The following SLC35B1 variants were observed in gnomAD, a reference collection of about 807,000 sequenced individuals.
The protein encoded by SLC35B1 is solute carrier family 35 member B1.
In SLC35B1, 27 loss-of-function variants were observed where a neutral mutation model predicts 36.6. The ratio of observed to expected loss-of-function variants is 0.74; its 90% CI spans 0.54 to 1.02. The LOEUF is 1.02. Among genes scored for constraint, SLC35B1 ranks in the 50% least tolerant of loss-of-function variants. The pLI is 0.00. For missense variants in SLC35B1, 321 were observed against 383.2 expected (o/e 0.84, Z 1.35); for synonymous variants, 162 against 152.5 (o/e 1.06, Z -0.46).
intron 8 of SLC35B1, chr17:49,701,926 C>CAAAAAAAAAA: frequency 3.9e-6 from 1 of 254,582 alleles, no homozygotes. Context: ...CCCATCGCTA[C>CAAAAAAAAAA]AAAAAAAAAA....
At position 49,707,836 on chromosome 17, in the gene SLC35B1, G is replaced by A; in HGVS notation, c.-3C>T. The A allele has an allele frequency of 6.2e-7, 1 of 1,611,794 alleles. No homozygotes were observed. The highest frequency in any genetic ancestry group is 8.5e-7 in the Non-Finnish European group (1 of 1,179,754). On this transcript the variant is annotated 5_prime_UTR_variant, in exon 1 of 9. Coordinates refer to ENST00000240333, the MANE Select transcript of SLC35B1 (RefSeq NM_005827.4). ...ACCAGGGAGCTGCTAGAGGCCATGA[G>A]ACGCCCAGAGGAGCCGACTGGAGAC...
chr17:49,705,695 A>C (rs2073407072), intron 4 of SLC35B1, 171 bp downstream of exon 4: 1 of 715,770 alleles, frequency 1.4e-6, no homozygotes, highest in Admixed American at 2.2e-5. Flanking sequence ...GCCTATGAAC[A>C]TCACAAGAAG....
chr17:49,706,917 G>A (rs1281808918), intron 2 of SLC35B1, 48 bp downstream of exon 2: 2 of 1,330,428 alleles, frequency 1.5e-6, no homozygotes, highest in Admixed American at 3.4e-5. Flanking sequence ...CATACTGAGG[G>A]AACTTGGGGT....
chr17:49,702,746 CA>C (rs1567818488), intron 8 of SLC35B1, 111 bp downstream of exon 8: 65 of 1,235,894 alleles, frequency 5.3e-5, no homozygotes, highest in Non-Finnish European at 5.9e-5. Context: ...AACTCCGTCT[CA>C]AAAAAAAGAG....
At chr17:49,706,376 GAAAAA>G in intron 2 of SLC35B1, 42 bp from the exon 3 acceptor site, 1 of 517,164 alleles carries the variant, frequency 1.9e-6, no homozygotes, top group Non-Finnish European at 2.5e-6. Flanking sequence ...GAAAAGAAAA[GAAAAA>G]AAAAAAAAAA....
intron 5 of SLC35B1, 126 bp downstream of exon 5, chr17:49,704,997 GC>G: frequency 1.2e-6 from 1 of 847,180 alleles, no homozygotes; most frequent in Admixed American, 2.3e-5. Context: ...GCAGCAAAGA[GC>G]AGATATGGGG....
rs2073418368 is a variant in SLC35B1, at chr17:49,706,346, C to CAAAAAAAAAAAAAAAAAAAGAAAGAAAAA, written c.209-13_209-12insTTTTTCTTTCTTTTTTTTTTTTTTTTTTT. On this transcript the variant is annotated splice_polypyrimidine_tract_variant and intron_variant, in intron 2 of 8. Transcript: ENST00000240333. ...AAAAAACTGGATCACTGGGAGAAGACAAAAAAAAAAAAAAAAAAAGAAAAG... is the reference window on the plus strand; with the variant it reads ...AAAAAACTGGATCACTGGGAGAAGACAAAAAAAAAAAAAAAAAAAGAAAGAAAAAAAAAAAAAAAAAAAAAAAAGAAAAG... 1.4e-6 allele frequency: 1 copy of CAAAAAAAAAAAAAAAAAAAGAAAGAAAAA among 703,146 alleles called. No homozygotes were observed. The highest frequency in any genetic ancestry group is 1.7e-6 in the Non-Finnish European group (1 of 576,766). 43.6% of individuals were successfully genotyped at this position (703,146 alleles called of 1,614,324 possible).
chr17:49,707,781 A>G lies in SLC35B1; in HGVS notation c.53T>C (p.Phe18Ser). 6.2e-7 allele frequency: 1 copy of G among 1,612,132 alleles called. No individual in the cohort carries two copies. The highest frequency in any genetic ancestry group is 8.5e-7 in the Non-Finnish European group (1 of 1,179,870). ...VPDRLRLPLCFLGVFVCYFYY... is the reference protein window; with the variant it reads ...VPDRLRLPLCSLGVFVCYFYY... ...AAAATAGCAGACAAAGACACCCAGG[A>G]AGCAGAGCGGCAGGCGCAGCCGGTC... The change falls in exon 1 of 9, where the codon TTC (phenylalanine) becomes TCC (serine). Residue 18 changes from phenylalanine to serine, a missense_variant. Coordinates refer to ENST00000240333, the MANE Select transcript of SLC35B1 (RefSeq NM_005827.4).
chr17:49,704,336 G>T, intron 5 of SLC35B1, 110 bp from the exon 6 acceptor site: 1 of 1,372,646 alleles, frequency 7.3e-7, no homozygotes, highest in Non-Finnish European at 1.0e-6. Flanking sequence ...TGCCTTTAAA[G>T]TCCTCAGAAC....
At chr17:49,701,992 C>A in intron 8 of SLC35B1, 1 of 313,424 alleles carries the variant, frequency 3.2e-6, no homozygotes, top group Non-Finnish European at 6.5e-6. Flanking sequence ...ACTCGGGAGG[C>A]TGTGGTGGGT....
Position 49,706,346 on chromosome 17 carries a change from C to CAAAAAAAAAAAA in SLC35B1, c.209-24_209-13dup, listed in dbSNP as rs61136804. 3.5e-5 allele frequency: 26 copies of CAAAAAAAAAAAA among 733,610 alleles called. No homozygotes were observed. Among genetic ancestry groups the CAAAAAAAAAAAA allele is most frequent in the Admixed American group, 1.9e-4 (2 of 10,498 alleles). The allele number at this position is 733,610 out of a possible 1,614,324, so 45.4% of individuals were successfully genotyped here. A position where few individuals can be genotyped will look rare whatever the true frequency, so the allele number is the denominator to read the frequency against. ...AAAAAACTGGATCACTGGGAGAAGACAAAAAAAAAAAAAAAAAAAGAAAAG... is the reference window on the plus strand; with the variant it reads ...AAAAAACTGGATCACTGGGAGAAGACAAAAAAAAAAAAAAAAAAAAAAAAAAAAAAAGAAAAG... On this transcript the variant is annotated splice_polypyrimidine_tract_variant and intron_variant, in intron 2 of 8. Transcript: ENST00000240333.
intron 4 of SLC35B1, chr17:49,705,517 A>G (rs1598010869): frequency 1.7e-6 from 1 of 589,330 alleles, no homozygotes; most frequent in East Asian, 2.8e-5. Flanking sequence ...AGGAAGGGAC[A>G]GGACAAGGGT....
chr17:49,707,743 G>T lies in SLC35B1; in HGVS notation c.91C>A (p.Leu31Met), dbSNP rs766515019. Residue 31 changes from leucine (L) to methionine (M), a missense_variant, in exon 1 of 9, where the codon CTG becomes ATG. Coordinates refer to ENST00000240333, the MANE Select transcript of SLC35B1 (RefSeq NM_005827.4). Reference protein sequence around the residue: ...VFVCYFYYGILQEKITRGKYG... With the variant: ...VFVCYFYYGIMQEKITRGKYG... ...GGGGTCGCTCACATCTTTTCCTGCAGGATCCCATAGTAAAAATAGCAGACA... is the reference window on the plus strand; with the variant it reads ...GGGGTCGCTCACATCTTTTCCTGCATGATCCCATAGTAAAAATAGCAGACA... The T allele has an allele frequency of 3.4e-5, 54 of 1,611,890 alleles. No individual in the cohort carries two copies. The East Asian group carries it at 1.2e-3, about 35-fold the overall frequency.
Position 49,707,936 on chromosome 17 carries a change from G to A in SLC35B1, c.-103C>T, listed in dbSNP as rs758977343. The A allele has an allele frequency of 1.9e-6, 3 of 1,559,052 alleles. No homozygotes were observed. Among genetic ancestry groups the A allele is most frequent in the Non-Finnish European group, 2.6e-6 (3 of 1,151,600 alleles). On this transcript the variant is annotated 5_prime_UTR_variant, in exon 1 of 9. Transcript: ENST00000240333. The stretch of plus-strand genomic sequence containing the variant: ...GCCGGACATCGCCGACCGGCGGCAG[G>A]GGCCTCATAGGAGCTGCATGCGACC...
chr17:49,703,347 C>T (rs559833075), intron 6 of SLC35B1, 53 bp from the exon 7 acceptor site: 9 of 588,948 alleles, frequency 1.5e-5, no homozygotes, highest in Non-Finnish European at 1.9e-5. Context: ...ACAAAATGTG[C>T]GCACACACAC....
chr17:49,703,540 A>G, intron 6 of SLC35B1: 1 of 437,442 alleles, frequency 2.3e-6, no homozygotes, highest in South Asian at 2.1e-5. Context: ...TTAATGAGTT[A>G]CTTCTACCAA....
At chr17:49,708,021 G>GA, upstream of SLC35B1, 3 of 1,300,170 alleles carry the variant, frequency 2.3e-6, no homozygotes, top group Non-Finnish European at 3.2e-6. Context: ...TGCCAAGGGG[G>GA]AAACTCCTCA....
rs754518474 is a variant in SLC35B1 at position 49,707,908 on chromosome 17, C to T, written c.-75G>A. On this transcript the variant is annotated 5_prime_UTR_variant, in exon 1 of 9. An upstream open reading frame in the 5' UTR gains an earlier in-frame stop. Transcript: ENST00000240333. ...AGCAGCGGCGGCGGAGGCGACAGCTCCAGCCGGACATCGCCGACCGGCGGC... is the reference window on the plus strand; with the variant it reads ...AGCAGCGGCGGCGGAGGCGACAGCTTCAGCCGGACATCGCCGACCGGCGGC... 24 of 1,589,996 alleles carry T rather than the reference C, an allele frequency of 1.5e-5. No individual in the cohort carries two copies. The South Asian group carries it at 2.7e-4, about 18-fold the overall frequency.
At position 49,701,380 on chromosome 17, in the gene SLC35B1, A is replaced by C; in HGVS notation, c.*78T>G. On this transcript the variant is annotated 3_prime_UTR_variant, in exon 9 of 9. Transcript: ENST00000240333. ...TGGAACTCAGTCCCATATTCCTATT[A>C]AGTCCATTTTCCCAAGAGATGTCAC... 8.9e-7 allele frequency: 1 copy of C among 1,125,876 alleles called. No individual in the cohort carries two copies. The highest frequency in any genetic ancestry group is 1.4e-6 in the Non-Finnish European group (1 of 739,814). 69.7% of individuals were successfully genotyped at this position (1,125,876 alleles called of 1,614,324 possible). A position where few individuals can be genotyped will look rare whatever the true frequency, so the allele number is the denominator to read the frequency against.
Sources: allele counts gnomAD v4.1 joint callset, GRCh38; gene constraint gnomAD v4.1.1; transcripts MANE v1.5; gene names NCBI Gene and HGNC (gene_info 2026-07-23, HGNC 2026-07-21).